The following UPP1 variants were observed in gnomAD, a reference collection of about 807,000 sequenced individuals.
The protein encoded by UPP1 is UPase 1.
In UPP1, 25 loss-of-function variants were observed where a neutral mutation model predicts 29.6. The observed-to-expected ratio is 0.85, with a 90% CI of 0.62 to 1.18. UPP1 has a LOEUF of 1.18. Ranked by LOEUF, UPP1 falls within the 50% of genes most tolerant of loss-of-function variation. The pLI, the probability that UPP1 is intolerant of heterozygous loss-of-function variation, is 0.00. For synonymous variants in UPP1, 165 were observed against 159.8 expected, an observed-to-expected ratio of 1.03 and a Z score of -0.25; for missense variants, 368 against 410.4, an observed-to-expected ratio of 0.90 and a Z score of 0.89.
chr7:48,100,938 G>A (rs1792386021), intron 4 of UPP1, among the ~76,000 whole-genome samples: 1 of 151,318 alleles, frequency 6.6e-6, no homozygotes. Flanking sequence ...TTGACCTGGA[G>A]TCTCACTGCC....
chr7:48,090,771 T>TA (rs1791784217), intron 2 of UPP1, among the ~76,000 whole-genome samples: 1 of 152,180 alleles, frequency 6.6e-6, no homozygotes, highest in African/African-American at 2.4e-5. Flanking sequence ...CAGCTGCTCT[T>TA]ACATTATTTC....
chr7:48,107,234 T>C, intron 7 of UPP1, 127 bp from the exon 8 acceptor site: 3 of 1,397,564 alleles, frequency 2.1e-6, no homozygotes, highest in Non-Finnish European at 3.0e-6. Context: ...CCCGTTTGAG[T>C]GGTCATTATA....
intron 6 of UPP1, 175 bp from the exon 7 acceptor site, chr7:48,106,698 A>G (rs1187536462): frequency 3.3e-6 from 2 of 613,036 alleles, no homozygotes; most frequent in African/African-American, 1.8e-5. Context: ...AAAAAGTTGA[A>G]TGGGAAAAAT....
At chr7:48,088,778 C>A (rs1431050711), upstream of UPP1, 1 of 152,338 alleles carries the variant, frequency 6.6e-6, no homozygotes, top group Non-Finnish European at 1.5e-5. Context: ...GGGCTGGTTC[C>A]ACGCTGTCAT....
At chr7:48,100,673 C>T (rs777143239) in intron 4 of UPP1, among the ~76,000 whole-genome samples, 6 of 152,142 alleles carry the variant, frequency 3.9e-5, no homozygotes, top group Non-Finnish European at 8.8e-5. Context: ...TACCAGGACG[C>T]TAGAATCCAG....
chr7:48,089,374 G>A lies in UPP1; in HGVS notation c.-243G>A, dbSNP rs937479666. The stretch of plus-strand genomic sequence containing the variant: ...GCGTTTGTCGCCGGTGTCGCAGTGC[G>A]AGGATGGCGCCGCGGGTGTAGCGGC... On this transcript the variant is annotated 5_prime_UTR_variant, in exon 1 of 9. Transcript: ENST00000395564. 4 of 152,356 alleles carry A rather than the reference G, an allele frequency of 2.6e-5. No individual in the cohort carries two copies. Among genetic ancestry groups the A allele is most frequent in the African/African-American group, 9.6e-5 (4 of 41,474 alleles). The allele number at this position is 152,356 out of a possible 1,614,324, so 9.4% of individuals were successfully genotyped here. A position where few individuals can be genotyped will look rare whatever the true frequency, so the allele number is the denominator to read the frequency against.
At chr7:48,088,846 GC>G (rs1791651942), upstream of UPP1, 1 of 152,390 alleles carries the variant, frequency 6.6e-6, no homozygotes, top group Non-Finnish European at 1.5e-5. Flanking sequence ...CGGGGATCCT[GC>G]CTGGCGGCGT....
rs531990069 is a variant in UPP1 at position 48,094,743 on chromosome 7, CTG to C, written c.-21-17_-21-16del. The C allele has an allele frequency of 2.0e-4, 318 of 1,613,058 alleles. No homozygotes were observed. The African/African-American group carries it at 3.5e-3, about 18-fold the overall frequency. On this transcript the variant is annotated intron_variant, in intron 2 of 8. Coordinates refer to ENST00000395564, the MANE Select transcript of UPP1 (RefSeq NM_003364.4). ...TTCTACTGAGTGGATTCACTCCATT[CTG>C]TGATTTTTTTTCCTTAGGGTCCTGC...
At chr7:48,103,088 G>A (rs1397876090) in intron 5 of UPP1, among the ~76,000 whole-genome samples, 4 of 152,162 alleles carry the variant, frequency 2.6e-5, no homozygotes, top group East Asian at 1.9e-4. Context: ...AAATTGTGTC[G>A]ATCAAATGGG....
At chr7:48,102,650 C>T (rs528344100) in intron 5 of UPP1, among the ~76,000 whole-genome samples, 3 of 152,288 alleles carry the variant, frequency 2.0e-5, no homozygotes, top group Admixed American at 1.3e-4. Flanking sequence ...GGCTCCGTGA[C>T]CGATTCTAGC....
At chr7:48,090,635 TA>T (rs1326629766) in intron 2 of UPP1, among the ~76,000 whole-genome samples, 6 of 152,210 alleles carry the variant, frequency 3.9e-5, no homozygotes, top group African/African-American at 1.4e-4. Context: ...CTTCCTTGAA[TA>T]GAAAGAATGT....
At chr7:48,094,923 A>G (rs1363476739) in intron 3 of UPP1, 96 bp downstream of exon 3, 2 of 1,382,740 alleles carry the variant, frequency 1.4e-6, no homozygotes, top group East Asian at 4.9e-5. Flanking sequence ...CTTGACATAT[A>G]TTAACACATT....
intron 3 of UPP1, among the ~76,000 whole-genome samples, chr7:48,096,742 T>C (rs7385009): frequency 0.66 from 100,228 of 152,022 alleles, 33,561 homozygotes; most frequent in African/African-American, 0.78. Flanking sequence ...CCCTTTTACC[T>C]AGGCTGGAGT....
rs11971829 is a variant in UPP1, at chr7:48,094,794, C to T, written c.11C>T (p.Thr4Met). Residue 4 changes from threonine to methionine, a missense_variant, in exon 3 of 9, where the codon ACG becomes ATG. Physicochemically the swap from Thr to Met is moderately conservative, Grantham distance 81 (BLOSUM62 -1). Transcript: ENST00000395564. MAA[T>M]GANAEKAESH... ...GCCTCAGTTGGCGGAATGGCGGCCA[C>T]GGGAGCCAATGCAGAGAAAGCTGAA... 384 of 1,600,994 alleles carry T rather than the reference C, an allele frequency of 2.4e-4. No individual in the cohort carries two copies. In the African/African-American group the frequency reaches 4.2e-3, roughly 18 times the overall value.
chr7:48,094,246 T>TTTTTG (rs564052320), intron 2 of UPP1, among the ~76,000 whole-genome samples: 6 of 151,754 alleles, frequency 4.0e-5, no homozygotes, highest in Non-Finnish European at 7.4e-5. Flanking sequence ...AAGGGACAGG[T>TTTTTG]TTTTGTTTTG....
In UPP1 at chr7:48,106,982, T is replaced by A. The variant is rs115919809; in HGVS notation, c.546T>A (p.Leu182=). The change falls in exon 7 of 9, where the codon CTT becomes CTA. Residue 182 remains leucine (L), a synonymous_variant. Transcript: ENST00000395564. ...LGKRVIRKTD[L]NKKLVQELLL... is the part of the protein sequence containing the mutation. Reference sequence around the variant, plus strand: ...AGCGGGTCATCCGGAAAACGGACCTTAACAAGAAGCTGGTGCAGGAGCTGT... The same window carrying A: ...AGCGGGTCATCCGGAAAACGGACCTAAACAAGAAGCTGGTGCAGGAGCTGT... 6.6e-5 allele frequency: 107 copies of A among 1,613,160 alleles called. No homozygotes were observed. In the East Asian group the frequency reaches 2.3e-3, roughly 35 times the overall value.
At chr7:48,102,407 G>A (rs1792476571) in intron 5 of UPP1, among the ~76,000 whole-genome samples, 1 of 152,196 alleles carries the variant, frequency 6.6e-6, no homozygotes, top group Admixed American at 6.5e-5. Context: ...GGTGAACACA[G>A]AAATCTCCAG....
Position 48,108,510 on chromosome 7 carries a change from A to AT in UPP1, c.*154dup. ...AGACAGAGAATCTTGGATTAACCGC[A>AT]TGGGAGATGTTCTTCCTTTTGAAGT... On this transcript the variant is annotated 3_prime_UTR_variant, in exon 9 of 9. Coordinates refer to ENST00000395564, the MANE Select transcript of UPP1 (RefSeq NM_003364.4). 5.9e-6 allele frequency: 5 copies of AT among 849,806 alleles called. 1 individual carries two copies. The South Asian group carries it at 1.4e-4, about 23-fold the overall frequency. The allele number at this position is 849,806 out of a possible 1,614,324, so 52.6% of individuals were successfully genotyped here.
At chr7:48,107,324 C>T (rs115244253) in intron 7 of UPP1, 37 bp from the exon 8 acceptor site, 4 of 1,585,170 alleles carry the variant, frequency 2.5e-6, no homozygotes, top group Non-Finnish European at 3.4e-6. Flanking sequence ...GAGCTTCTCA[C>T]ATGCATGTGG....
Sources: gnomAD v4.1 joint callset for allele counts (sites outside exome capture counted in the v4.1 genomes callset) on GRCh38, gnomAD v4.1.1 for gene constraint, MANE v1.5 for transcripts, NCBI Gene and HGNC (gene_info 2026-07-23, HGNC 2026-07-21) for gene names.